The following CPLANE1 variants were observed in gnomAD, a reference collection of about 807,000 sequenced individuals.
The protein encoded by CPLANE1 is ciliogenesis and planar polarity effector complex subunit 1.
In CPLANE1, 263 loss-of-function variants were observed where a neutral mutation model predicts 362.5. The ratio of observed to expected loss-of-function variants is 0.73; its 90% CI spans 0.66 to 0.80. The LOEUF (loss-of-function observed/expected upper bound fraction) is 0.80, where lower values mean the gene tolerates loss of function less well. CPLANE1 is among the 30% of genes least tolerant of loss of function. The pLI, the probability that CPLANE1 is intolerant of heterozygous loss-of-function variation, is 0.00. For missense variants in CPLANE1, 3,461 were observed against 3,793.4 expected, an observed-to-expected ratio of 0.91 and a Z score of 2.30; for synonymous variants, 1,212 against 1,302.6, an observed-to-expected ratio of 0.93 and a Z score of 1.50.
chr5:37,082,907 A>T, the CPLANE1 span, among the ~76,000 whole-genome samples: 1 of 152,218 alleles, frequency 6.6e-6, no homozygotes, highest in Admixed American at 6.5e-5. Flanking sequence ...AGCTCCGATC[A>T]GATGGACAGA....
At chr5:37,174,061 TC>T in intron 31 of CPLANE1, 114 bp from the exon 32 acceptor site, 1 of 901,888 alleles carries the variant, frequency 1.1e-6, no homozygotes, top group South Asian at 1.8e-5. Context: ...TAAAGGTTAT[TC>T]TAGTAGTTTT....
intron 50 of CPLANE1, among the ~76,000 whole-genome samples, chr5:37,118,214 C>A (rs971095633): frequency 6.6e-6 from 1 of 151,806 alleles, no homozygotes; most frequent in African/African-American, 2.4e-5. Context: ...GGCAACACAG[C>A]AAGACCCCCC....
chr5:37,171,871 CA>C (rs548965887), intron 32 of CPLANE1, among the ~76,000 whole-genome samples: 112 of 151,942 alleles, frequency 7.4e-4, no homozygotes, highest in Admixed American at 3.0e-3. Context: ...ACTGTAACTT[CA>C]AATTCCTGGG....
At position 37,180,113 on chromosome 5, in the gene CPLANE1, T is replaced by C; in HGVS notation, c.5641A>G (p.Asn1881Asp). ...INDDIISITH[N>D]TKKEFIDIDE... ...ATATCTATAAATTCTTTTTTAGTATTATGAGTGATGGAAATAATATCATCA... is the reference window on the plus strand; with the variant it reads ...ATATCTATAAATTCTTTTTTAGTATCATGAGTGATGGAAATAATATCATCA... Residue 1881 changes from asparagine (N) to aspartate (D), a missense_variant, in exon 28 of 53, where the codon AAT (asparagine) becomes GAT (aspartate). Physicochemically the swap from Asn to Asp is conservative, Grantham distance 23. Transcript: ENST00000651892. The C allele has an allele frequency of 6.4e-7, 1 of 1,560,650 alleles. No homozygotes were observed. Among genetic ancestry groups the C allele is most frequent in the Non-Finnish European group, 8.7e-7 (1 of 1,152,756 alleles).
chr5:37,135,559 G>A (rs1465296370), intron 46 of CPLANE1, among the ~76,000 whole-genome samples: 3 of 152,138 alleles, frequency 2.0e-5, no homozygotes, highest in Admixed American at 6.5e-5. Context: ...GATTGGCCAG[G>A]TGCAGTGGCT....
At chr5:37,101,022 G>T in the CPLANE1 span, among the ~76,000 whole-genome samples, 1 of 152,100 alleles carries the variant, frequency 6.6e-6, no homozygotes, top group Admixed American at 6.5e-5. Flanking sequence ...TGAGACAATG[G>T]GGTTTTCTAG....
intron 48 of CPLANE1, 81 bp from the exon 49 acceptor site, chr5:37,121,865 C>A: frequency 3.5e-6 from 4 of 1,127,996 alleles, no homozygotes; most frequent in Non-Finnish European, 3.8e-6. Flanking sequence ...GTTTGAAGAT[C>A]ACCTAGCATG....
In CPLANE1 at chr5:37,184,806, C is replaced by T; in HGVS notation, c.4463G>A (p.Arg1488Lys). 1 of 1,611,346 alleles carries T rather than the reference C, an allele frequency of 6.2e-7. No individual in the cohort carries two copies. The highest frequency in any genetic ancestry group is 2.2e-5 in the East Asian group (1 of 44,848). The stretch of plus-strand genomic sequence containing the variant: ...ATTGTACCTTTGATAGATATTTATC[C>T]TACTTTTTTCTTCAACCGACAAAGC... The part of the protein sequence containing the change: ...SEALSVEEKS[R>K]INIYQRNAPN... Residue 1488 changes from arginine (R) to lysine (K), a missense_variant, in exon 25 of 53, where the codon AGG becomes AAG. Physicochemically the swap from Arg to Lys is conservative, Grantham distance 26 (BLOSUM62 2). Transcript: ENST00000651892.
At chr5:37,139,400 T>G (rs929491713) in intron 44 of CPLANE1, 30 bp from the exon 45 acceptor site, 5 of 1,140,762 alleles carry the variant, frequency 4.4e-6, no homozygotes, top group Non-Finnish European at 6.0e-6. Flanking sequence ...TAATAAAAAT[T>G]TTGGGTTTTT....
In CPLANE1 at chr5:37,162,548, T is replaced by C. The variant is rs1479125312; in HGVS notation, c.7607A>G (p.Asn2536Ser). Residue 2536 changes from asparagine (N) to serine (S), a missense_variant, in exon 38 of 53, where the codon AAT becomes AGT. By Grantham distance (46) the Asn-to-Ser change is conservative. Around this residue, in one of 2 missense-constraint regions of CPLANE1, gnomAD observed 3,380 missense variants for 3,666.1 expected, o/e 0.92. Transcript: ENST00000651892. ...CATGAAATGCAATCCAGCTGAAGTA[T>C]TATCATCTTGTAGCATTTCTTAAAT... The part of the protein sequence containing the change: ...DVPFEMLQDD[N>S]TSAGLHFMAS... The C allele has an allele frequency of 6.2e-7, 1 of 1,610,022 alleles. No individual in the cohort carries two copies. The highest frequency in any genetic ancestry group is 2.2e-5 in the East Asian group (1 of 44,844).
At chr5:37,077,577 T>C in the CPLANE1 span, among the ~76,000 whole-genome samples, 1,992 of 150,978 alleles carry the variant, frequency 0.013, 15 homozygotes, top group Non-Finnish European at 0.024. Flanking sequence ...GAATACACTA[T>C]ATCAAGAAAC....
chr5:37,211,746 A>G (rs974068921), intron 16 of CPLANE1: 16 of 782,948 alleles, frequency 2.0e-5, no homozygotes, highest in Non-Finnish European at 3.3e-5. Context: ...TCCGGAGCAG[A>G]AAGCGGGTCT....
At chr5:37,198,310 G>A (rs1218419655) in intron 20 of CPLANE1, among the ~76,000 whole-genome samples, 2 of 152,074 alleles carry the variant, frequency 1.3e-5, no homozygotes, top group East Asian at 3.9e-4. Context: ...GGAAACAGAC[G>A]AGAATGAACT....
At chr5:37,078,712 G>GT in the CPLANE1 span, among the ~76,000 whole-genome samples, 127 of 140,604 alleles carry the variant, frequency 9.0e-4, 1 homozygote, top group African/African-American at 3.5e-3. Context: ...GGAAGCATCT[G>GT]TTATTTTTTT....
chr5:37,176,231 G>A (rs1378604920), intron 30 of CPLANE1: 3 of 347,930 alleles, frequency 8.6e-6, no homozygotes, highest in African/African-American at 6.4e-5. Context: ...GCTCAGCAAT[G>A]AAAACAACAG....
rs764156129 is a variant in CPLANE1 at position 37,107,701 on chromosome 5, A to G, written c.9657T>C (p.Thr3219=). 3 of 1,612,170 alleles carry G rather than the reference A, an allele frequency of 1.9e-6. No homozygotes were observed. The highest frequency in any genetic ancestry group is 8.5e-7 in the Non-Finnish European group (1 of 1,179,220). Residue 3219 remains threonine, a synonymous_variant, in exon 53 of 53, where the codon ACT becomes ACC. Coordinates refer to ENST00000651892, the MANE Select transcript of CPLANE1 (RefSeq NM_001384732.1). ...VGGVDSVSES[T]GSILSKLDWN... ...AGTCCAGCTTGCTGAGGATGCTGCCAGTGCTCTCAGACACGCTGTCCACAC... is the reference window on the plus strand; with the variant it reads ...AGTCCAGCTTGCTGAGGATGCTGCCGGTGCTCTCAGACACGCTGTCCACAC...
At chr5:37,136,014 G>A (rs528406631) in intron 46 of CPLANE1, among the ~76,000 whole-genome samples, 15 of 152,192 alleles carry the variant, frequency 9.9e-5, no homozygotes, top group African/African-American at 3.1e-4. Context: ...ATTCTGCCCC[G>A]GCCCTTTCCA....
At position 37,209,820 on chromosome 5, in the gene CPLANE1, G is replaced by A; in HGVS notation, c.2921-3395C>T. On this transcript the variant is annotated intron_variant, in intron 16 of 52. Transcript: ENST00000651892. This position sits in a 1 kb window ranked among gnomAD's most constrained non-coding sequence, Gnocchi z 4.6. ...AAAAGGATTGGCAGAATATCATCAA[G>A]CTAAAGAAAGTTGTAATATGGAAAC... The A allele has an allele frequency of 7.4e-7, 1 of 1,352,086 alleles. No individual in the cohort carries two copies. The highest frequency in any genetic ancestry group is 1.1e-6 in the Non-Finnish European group (1 of 943,552). 83.8% of individuals were successfully genotyped at this position (1,352,086 alleles called of 1,614,324 possible).
chr5:37,126,532 A>G (rs1399892297), intron 46 of CPLANE1, among the ~76,000 whole-genome samples: 1 of 152,210 alleles, frequency 6.6e-6, no homozygotes, highest in Non-Finnish European at 1.5e-5. Flanking sequence ...TGAGAGCTGC[A>G]TCATAGTCTG....
Sources: gnomAD v4.1 joint callset for allele counts (sites outside exome capture counted in the v4.1 genomes callset) on GRCh38, gnomAD v4.1.1 for gene constraint, gnomAD v4.1.1 regional missense constraint, Gnocchi (gnomAD v3.1) non-coding constraint, MANE v1.5 for transcripts, NCBI Gene and HGNC (gene_info 2026-07-23, HGNC 2026-07-21) for gene names.